ARMC8: variants seen among roughly 807,000 people sequenced by gnomAD.
The protein encoded by ARMC8 is armadillo repeat containing 8.
In ARMC8, 20 loss-of-function variants were observed where a neutral mutation model predicts 99.3. That is an observed-to-expected ratio of 0.20 (90% CI 0.14 to 0.29). ARMC8 has a LOEUF of 0.29. Ranked by LOEUF, ARMC8 falls within the 10% of genes least tolerant of loss-of-function variation. The pLI is 1.00. For synonymous variants in ARMC8, 263 were observed against 278.3 expected (o/e 0.95, Z 0.55); for missense variants, 569 against 809.5 (o/e 0.70, Z 3.60).
At chr3:138,221,731 T>G (rs1316245455) in intron 2 of ARMC8, among the ~76,000 whole-genome samples, 195 bp from the exon 3 acceptor site, 1 of 152,166 alleles carries the variant, frequency 6.6e-6, no homozygotes, top group East Asian at 1.9e-4. Flanking sequence ...ATCTCTCACT[T>G]TCTACAATAC....
At chr3:138,251,100 G>A (rs376795058) in intron 12 of ARMC8, among the ~76,000 whole-genome samples, 2 of 151,994 alleles carry the variant, frequency 1.3e-5, no homozygotes, top group African/African-American at 2.4e-5. Context: ...GCAGTGAGCC[G>A]TGATCACACT....
chr3:138,199,210 T>C (rs1287771141), intron 1 of ARMC8, among the ~76,000 whole-genome samples: 1 of 152,070 alleles, frequency 6.6e-6, no homozygotes, highest in African/African-American at 2.4e-5. Context: ...GTTGCAAAAA[T>C]AGTACACAAG....
intron 16 of ARMC8, among the ~76,000 whole-genome samples, chr3:138,271,790 TTTTC>T (rs1007886198): frequency 1.3e-4 from 19 of 149,934 alleles, no homozygotes; most frequent in South Asian, 2.1e-4. Flanking sequence ...AAGATTTTTT[TTTTC>T]TTTCTTTTTT....
At chr3:138,224,909 ATC>A (rs1002303656) in intron 5 of ARMC8, among the ~76,000 whole-genome samples, 5 of 152,270 alleles carry the variant, frequency 3.3e-5, no homozygotes, top group Non-Finnish European at 7.4e-5. Flanking sequence ...ACCCATTTTT[ATC>A]TCTCTATATG....
At chr3:138,245,880 C>T in intron 12 of ARMC8, 1 of 985,426 alleles carries the variant, frequency 1.0e-6, no homozygotes, top group Non-Finnish European at 1.2e-6. Context: ...TGGAACTTAC[C>T]ACTCAAAAAC....
intron 11 of ARMC8, 83 bp from the exon 12 acceptor site, chr3:138,245,004 AC>A (rs1468087113): frequency 6.7e-6 from 10 of 1,495,208 alleles, no homozygotes; most frequent in Admixed American, 6.4e-5. Flanking sequence ...AAAGTTGTAA[AC>A]TTTTTTTTTC....
At chr3:138,253,588 G>A (rs971507286) in intron 12 of ARMC8, among the ~76,000 whole-genome samples, 2 of 152,136 alleles carry the variant, frequency 1.3e-5, no homozygotes, top group Non-Finnish European at 2.9e-5. Context: ...AGAGAACTTG[G>A]TATATAGCTT....
intron 1 of ARMC8, among the ~76,000 whole-genome samples, chr3:138,190,800 G>C (rs1360690199): frequency 6.6e-6 from 1 of 152,196 alleles, no homozygotes; most frequent in East Asian, 1.9e-4. Flanking sequence ...TGGGAATACA[G>C]CCGTAAGCTA....
chr3:138,282,405 T>G (rs1238626351), intron 18 of ARMC8, among the ~76,000 whole-genome samples: 1 of 152,124 alleles, frequency 6.6e-6, no homozygotes, highest in Non-Finnish European at 1.5e-5. Context: ...CCCAGCACTT[T>G]GGGAGGCCAG....
chr3:138,196,297 G>A (rs1395857320), intron 1 of ARMC8, among the ~76,000 whole-genome samples: 1 of 152,170 alleles, frequency 6.6e-6, no homozygotes, highest in African/African-American at 2.4e-5. Flanking sequence ...AGGGGAGTAA[G>A]TAGGAAAATG....
At chr3:138,260,832 C>A (rs2047676002) in intron 12 of ARMC8, among the ~76,000 whole-genome samples, 1 of 152,228 alleles carries the variant, frequency 6.6e-6, no homozygotes. Flanking sequence ...TCAGTTCTTT[C>A]TGGAGAGTAA....
chr3:138,189,338 A>G (rs767151965), intron 1 of ARMC8, among the ~76,000 whole-genome samples: 1 of 151,886 alleles, frequency 6.6e-6, no homozygotes, highest in Non-Finnish European at 1.5e-5. Context: ...GGTCTATCAG[A>G]TCTTCACTCC....
rs143059438 is a variant in ARMC8, at chr3:138,241,831, G to C, written c.886G>C (p.Glu296Gln). 325 of 1,613,916 alleles carry C rather than the reference G, an allele frequency of 2.0e-4. 1 individual carries two copies. The highest frequency in any genetic ancestry group is 5.0e-5 in the Admixed American group (3 of 59,996). Residue 296 changes from glutamate (E) to glutamine (Q), a missense_variant, in exon 11 of 22, where the codon GAG becomes CAG. Physicochemically the swap from Glu to Gln is conservative, Grantham distance 29. Coordinates refer to ENST00000469044, the MANE Select transcript of ARMC8 (RefSeq NM_001363941.2). ...RMCSKERLLE[E>Q]RVEGAETLAY... is the part of the protein sequence containing the mutation. The stretch of plus-strand genomic sequence containing the variant: ...GTGCAGTAAGGAGAGATTACTAGAG[G>C]AGAGAGTTGAAGGAGCTGAGACACT...
chr3:138,278,733 T>C (rs371125908), intron 18 of ARMC8, among the ~76,000 whole-genome samples: 2 of 152,196 alleles, frequency 1.3e-5, no homozygotes, highest in East Asian at 3.9e-4. Flanking sequence ...ATTCTTCTTA[T>C]AGCAGTGTTT....
chr3:138,285,260 C>A (rs760966489), intron 19 of ARMC8, among the ~76,000 whole-genome samples: 1 of 152,336 alleles, frequency 6.6e-6, no homozygotes, highest in Admixed American at 6.5e-5. Flanking sequence ...TTCCCTCCCC[C>A]ATTACAGTTA....
intron 6 of ARMC8, among the ~76,000 whole-genome samples, chr3:138,234,194 C>T (rs1012135494): frequency 3.9e-5 from 6 of 152,110 alleles, no homozygotes; most frequent in Admixed American, 3.9e-4. Context: ...CAGCCTCCGC[C>T]TCCGCCTCCC....
intron 12 of ARMC8, chr3:138,246,960 T>G (rs2046910778): frequency 1.5e-6 from 1 of 648,226 alleles, no homozygotes; most frequent in Admixed American, 6.3e-5. Flanking sequence ...TTAAGGAAGA[T>G]ATTTAATTTC....
Position 138,296,853 on chromosome 3 carries a change from C to T in ARMC8, c.*961C>T, listed in dbSNP as rs1577093110. ...CTGGGGACCAAGAGCCTCCCAATTG[C>T]CCTAACTCCTGTCATTGGTATTAGC... is the stretch of plus-strand genomic sequence containing the variant. On this transcript the variant is annotated 3_prime_UTR_variant, in exon 22 of 22. Coordinates refer to ENST00000469044, the MANE Select transcript of ARMC8 (RefSeq NM_001363941.2). 6.6e-6 allele frequency: 1 copy of T among 152,152 alleles called. No individual in the cohort carries two copies. Among genetic ancestry groups the T allele is most frequent in the Non-Finnish European group, 1.5e-5 (1 of 68,032 alleles). 9.4% of individuals were successfully genotyped at this position (152,152 alleles called of 1,614,324 possible).
chr3:138,256,542 C>G (rs1361801967), intron 12 of ARMC8, among the ~76,000 whole-genome samples: 1 of 151,612 alleles, frequency 6.6e-6, no homozygotes, highest in Non-Finnish European at 1.5e-5. Flanking sequence ...TCCCGAGTAG[C>G]TGAGACTATA....
Sources: gnomAD v4.1 joint callset for allele counts (sites outside exome capture counted in the v4.1 genomes callset) on GRCh38, gnomAD v4.1.1 for gene constraint, MANE v1.5 for transcripts, NCBI Gene and HGNC (gene_info 2026-07-23, HGNC 2026-07-21) for gene names.